Variants in ZNF638 observed in about 807,000 individuals in gnomAD.
ZNF638 encodes CTCL tumor antigen se33-1.
Under a neutral mutation model 195.6 loss-of-function variants are expected in ZNF638, and 46 were observed. The ratio of observed to expected loss-of-function variants is 0.24; its 90% CI spans 0.19 to 0.30. ZNF638 has a LOEUF of 0.30. Among genes scored for constraint, ZNF638 ranks in the 10% least tolerant of loss-of-function variants. The pLI, the probability that ZNF638 is intolerant of heterozygous loss-of-function variation, is 1.00. For missense variants in ZNF638, 2,440 were observed against 2,325.3 expected (o/e 1.05, Z -1.01); for synonymous variants, 845 against 772.0 (o/e 1.09, Z -1.57).
chr2:71,389,967 G>A (rs887749452), intron 10 of ZNF638, among the ~76,000 whole-genome samples: 4 of 152,124 alleles, frequency 2.6e-5, no homozygotes, highest in Non-Finnish European at 1.5e-5. Flanking sequence ...CAAAATATTG[G>A]CCATGGCAAT....
chr2:71,419,969 C>T (rs1173505201), intron 21 of ZNF638, among the ~76,000 whole-genome samples: 2 of 89,218 alleles, frequency 2.2e-5, no homozygotes, highest in African/African-American at 8.0e-5. Context: ...CCCACCCCCC[C>T]CCGCCTTTTT....
At chr2:71,422,410 C>G (rs1012381828) in intron 21 of ZNF638, among the ~76,000 whole-genome samples, 1 of 152,022 alleles carries the variant, frequency 6.6e-6, no homozygotes, top group African/African-American at 2.4e-5. Flanking sequence ...AATCATAATG[C>G]ATGGATCATT....
intron 10 of ZNF638, 122 bp from the exon 11 acceptor site, chr2:71,396,019 A>G (rs899500087): frequency 7.4e-6 from 6 of 812,084 alleles, no homozygotes; most frequent in Non-Finnish European, 1.2e-5. Flanking sequence ...TGGACATACA[A>G]AGATGAGTAT....
At chr2:71,376,556 G>T (rs1484095926) in intron 8 of ZNF638, among the ~76,000 whole-genome samples, 2 of 152,106 alleles carry the variant, frequency 1.3e-5, no homozygotes, top group African/African-American at 4.8e-5. Context: ...TAGCTTTCTT[G>T]GTCCAAATCT....
Position 71,349,940 on chromosome 2 carries a change from C to T in ZNF638, c.986C>T (p.Pro329Leu), listed in dbSNP as rs777449446. 15 of 1,614,094 alleles carry T rather than the reference C, an allele frequency of 9.3e-6. No homozygotes were observed. In the East Asian group the frequency reaches 1.8e-4, roughly 19 times the overall value. Residue 329 changes from proline to leucine, a missense_variant, in exon 2 of 28, where the codon CCT becomes CTT. By Grantham distance (98) the Pro-to-Leu change is moderately conservative. Coordinates refer to ENST00000264447, the MANE Select transcript of ZNF638 (RefSeq NM_014497.5). ...CAGACAATGAGTCAATCTCTGATTC[C>T]TCCATCTATGAACCAGCAACCTTTT... ...VSQTMSQSLI[P>L]PSMNQQPFSS...
rs757637845 is a variant in ZNF638, at chr2:71,403,895, C to T, written c.2855C>T (p.Ala952Val). ...GCATATATAGAAATAAATAGAAAAGCTGCTGAGTCTATGGTAAAATTTTAT... is the reference window on the plus strand; with the variant it reads ...GCATATATAGAAATAAATAGAAAAGTTGCTGAGTCTATGGTAAAATTTTAT... Reference protein sequence around the residue: ...KKAYIEINRKAAESMVKFYTC... With the variant: ...KKAYIEINRKVAESMVKFYTC... Residue 952 changes from alanine to valine, a missense_variant, in exon 17 of 28, where the codon GCT (alanine) becomes GTT (valine). Physicochemically the swap from Ala to Val is moderately conservative, Grantham distance 64. This residue lies in a region of ZNF638 where 1,883 missense variants were observed against 1,739.1 expected (regional missense o/e 1.08). Transcript: ENST00000264447. 3.8e-6 allele frequency: 6 copies of T among 1,587,200 alleles called. No homozygotes were observed. Among genetic ancestry groups the T allele is most frequent in the Non-Finnish European group, 5.2e-6 (6 of 1,160,370 alleles).
chr2:71,411,768 T>G (rs2080233832), intron 20 of ZNF638, among the ~76,000 whole-genome samples: 1 of 54,918 alleles, frequency 1.8e-5, no homozygotes, highest in African/African-American at 6.6e-5. Flanking sequence ...GAATGATGGT[T>G]TCCAATTTCA....
chr2:71,414,446 T>C (rs2080276331), intron 20 of ZNF638, among the ~76,000 whole-genome samples: 1 of 23,482 alleles, frequency 4.3e-5, no homozygotes, highest in Non-Finnish European at 8.9e-5. Context: ...TTCATTGATT[T>C]TTTGAAGGGT....
rs141959204 is a variant in ZNF638 at position 71,424,654 on chromosome 2, T to C, written c.4529T>C (p.Leu1510Ser). 15 of 1,612,060 alleles carry C rather than the reference T, an allele frequency of 9.3e-6. No homozygotes were observed. Among genetic ancestry groups the C allele is most frequent in the Non-Finnish European group, 1.1e-5 (13 of 1,179,044 alleles). ...MKRDDSNNKTLAEQNTKNPKS... is the reference protein window; with the variant it reads ...MKRDDSNNKTSAEQNTKNPKS... ...ATTTCTTATTTACTATTTCAGACTT[T>C]GGCTGAGCAAAACACTAAGAATCCT... The change falls in exon 23 of 28, where the codon TTG becomes TCG. Residue 1510 changes from leucine to serine, a missense_variant. Transcript: ENST00000264447.
intron 6 of ZNF638, among the ~76,000 whole-genome samples, chr2:71,366,483 T>C (rs2079202071): frequency 6.6e-6 from 1 of 152,232 alleles, no homozygotes; most frequent in Non-Finnish European, 1.5e-5. Flanking sequence ...CTTGTGAGTA[T>C]AATAAAAGTC....
chr2:71,384,775 A>G (rs1302239506), intron 10 of ZNF638, among the ~76,000 whole-genome samples: 1 of 152,198 alleles, frequency 6.6e-6, no homozygotes, highest in African/African-American at 2.4e-5. Flanking sequence ...GCTGAAAATG[A>G]CATTCTTTTA....
chr2:71,399,723 C>A, intron 13 of ZNF638, 78 bp downstream of exon 13: 1 of 1,174,644 alleles, frequency 8.5e-7, no homozygotes, highest in Non-Finnish European at 1.2e-6. Flanking sequence ...GGTACATGTG[C>A]AGGTTTCTTA....
chr2:71,383,560 G>GTTTTTTTTTT (rs57987492), intron 10 of ZNF638, among the ~76,000 whole-genome samples: 24 of 122,104 alleles, frequency 2.0e-4, no homozygotes, highest in African/African-American at 6.9e-4. Context: ...TTCCTGGGTG[G>GTTTTTTTTTT]TTTTTTTTTT....
At position 71,350,406 on chromosome 2, in the gene ZNF638, A is replaced by G. The variant is rs1246503854; in HGVS notation, c.1317+135A>G. 27 of 893,686 alleles carry G rather than the reference A, an allele frequency of 3.0e-5. No homozygotes were observed. The South Asian group carries it at 4.0e-4, about 13-fold the overall frequency. 55.4% of individuals were successfully genotyped at this position (893,686 alleles called of 1,614,324 possible). On this transcript the variant is annotated intron_variant, in intron 2 of 27. Coordinates refer to ENST00000264447, the MANE Select transcript of ZNF638 (RefSeq NM_014497.5). The stretch of plus-strand genomic sequence containing the variant: ...GTAATTTTAATTGCAACCTCAATAC[A>G]TAGTTGTAATCTTAAGTAGCCCTGG...
intron 26 of ZNF638, among the ~76,000 whole-genome samples, chr2:71,432,618 A>G (rs1329083887): frequency 6.6e-6 from 1 of 152,262 alleles, no homozygotes; most frequent in East Asian, 1.9e-4. Context: ...TTGGCATTAT[A>G]CCAAAGCAGT....
At chr2:71,389,933 G>C (rs981297753) in intron 10 of ZNF638, among the ~76,000 whole-genome samples, 3 of 152,172 alleles carry the variant, frequency 2.0e-5, no homozygotes, top group African/African-American at 7.2e-5. Context: ...CACGTCAACT[G>C]GTGGGGACTG....
chr2:71,365,565 A>G lies in ZNF638; in HGVS notation c.1854A>G (p.Pro618=). ...QKPKTSSGTK[P]SVKPTSATKS... The stretch of plus-strand genomic sequence containing the variant: ...CTAAAACTAGCAGTGGAACAAAACC[A>G]TCAGTTAAACCTACAAGCGCTACAA... The change falls in exon 6 of 28, where the codon CCA becomes CCG. Residue 618 remains proline (P), a synonymous_variant. Transcript: ENST00000264447. The G allele has an allele frequency of 3.7e-6, 6 of 1,614,194 alleles. No individual in the cohort carries two copies. Among genetic ancestry groups the G allele is most frequent in the South Asian group, 1.1e-5 (1 of 91,084 alleles).
intron 26 of ZNF638, 122 bp from the exon 27 acceptor site, chr2:71,433,043 C>T (rs1277766140): frequency 1.3e-5 from 10 of 772,750 alleles, no homozygotes; most frequent in Admixed American, 4.2e-5. Flanking sequence ...GCTGACATCG[C>T]GCCACTGCCC....
intron 10 of ZNF638, among the ~76,000 whole-genome samples, chr2:71,394,533 A>G (rs116300656): frequency 0.024 from 3,712 of 152,254 alleles, 56 homozygotes; most frequent in Non-Finnish European, 0.035. Context: ...CACCTCATGT[A>G]TCATTAATTA....
Sources: gnomAD v4.1 joint callset for allele counts (sites outside exome capture counted in the v4.1 genomes callset) on GRCh38, gnomAD v4.1.1 for gene constraint, gnomAD v4.1.1 regional missense constraint, MANE v1.5 for transcripts, NCBI Gene and HGNC (gene_info 2026-07-23, HGNC 2026-07-21) for gene names.